DST: variants seen among roughly 807,000 people sequenced by gnomAD.
DST encodes dystonin.
A neutral mutation model predicts 875.2 loss-of-function variants in DST; 253 were observed. The observed-to-expected ratio is 0.29, with a 90% CI of 0.26 to 0.32. DST has a LOEUF of 0.32. DST is among the 10% of genes least tolerant of loss of function. The pLI is 1.00. For synonymous variants in DST, 3,124 were observed against 3,197.1 expected (o/e 0.98, Z 0.77); for missense variants, 8,287 against 9,111.6 (o/e 0.91, Z 3.68).
chr6:56,617,207 A>T (rs768276793), intron 36 of DST: 1 of 1,596,588 alleles, frequency 6.3e-7, no homozygotes, highest in Non-Finnish European at 8.5e-7. Context: ...TTGGAATTTA[A>T]ATTCATCATC....
chr6:56,524,922 G>GA (rs34818825), intron 69 of DST, among the ~76,000 whole-genome samples: 112,467 of 150,698 alleles, frequency 0.75, 42,280 homozygotes, highest in African/African-American at 0.84. Flanking sequence ...AATTCTATCA[G>GA]AAAAAAAAAA....
At chr6:56,536,698 C>T in intron 62 of DST, 81 bp downstream of exon 62, 2 of 1,371,446 alleles carry the variant, frequency 1.5e-6, no homozygotes, top group South Asian at 3.9e-5. Flanking sequence ...AGTTTGGCTA[C>T]CACAAATATG....
At chr6:56,812,501 T>C (rs537222879) in intron 4 of DST, among the ~76,000 whole-genome samples, 1 of 152,310 alleles carries the variant, frequency 6.6e-6, no homozygotes, top group South Asian at 2.1e-4. Context: ...AGGTAAATCT[T>C]ATAAGGGATG....
intron 82 of DST, among the ~76,000 whole-genome samples, chr6:56,495,119 C>G (rs1269123107): frequency 6.6e-6 from 1 of 151,176 alleles, no homozygotes; most frequent in African/African-American, 2.4e-5. Flanking sequence ...TTAAAAAAAG[C>G]CCTATATAAA....
chr6:56,552,937 A>G lies in DST; in HGVS notation c.15855T>C (p.Ser5285=). 6.2e-7 allele frequency: 1 copy of G among 1,613,990 alleles called. No homozygotes were observed. Among genetic ancestry groups the G allele is most frequent in the Non-Finnish European group, 8.5e-7 (1 of 1,179,886 alleles). ...CCTTTGCACACTGAAGCTGCCTTTT[A>G]GATTCTTTGGAAACTTCTTGAAATT... ...FKEFQEVSKE[S]KRQLQCAKEQ... The change falls in exon 61 of 104, where the codon TCT becomes TCC. Residue 5285 remains serine, a synonymous_variant. Coordinates refer to ENST00000680361, the MANE Select transcript of DST (RefSeq NM_001374736.1).
chr6:56,733,991 A>G (rs2152928312), intron 5 of DST, among the ~76,000 whole-genome samples: 1 of 152,320 alleles, frequency 6.6e-6, no homozygotes, highest in South Asian at 2.1e-4. Flanking sequence ...AGCCTGAGTC[A>G]GCACTCCAGG....
At chr6:56,557,940 T>G (rs1185481159) in intron 58 of DST, among the ~76,000 whole-genome samples, 2 of 152,144 alleles carry the variant, frequency 1.3e-5, no homozygotes, top group East Asian at 3.8e-4. Flanking sequence ...CAATTATTCT[T>G]TCCCATTCAA....
chr6:56,743,331 C>T (rs3002004), intron 4 of DST, among the ~76,000 whole-genome samples: 35,904 of 152,028 alleles, frequency 0.24, 5,566 homozygotes, highest in African/African-American at 0.44. Context: ...CATTCAATCA[C>T]ACCACAATAC....
intron 60 of DST, 55 bp downstream of exon 60, chr6:56,555,290 C>A: frequency 1.3e-6 from 2 of 1,507,818 alleles, no homozygotes; most frequent in Non-Finnish European, 1.8e-6. Flanking sequence ...TGGAAATAGG[C>A]AATATATGAC....
intron 78 of DST, among the ~76,000 whole-genome samples, chr6:56,503,781 T>C (rs1008668830): frequency 1.3e-5 from 2 of 152,134 alleles, no homozygotes; most frequent in Admixed American, 1.3e-4. Context: ...CAGTTATTAA[T>C]TGACTATAAA....
chr6:56,824,299 G>T (rs867863638), intron 4 of DST, among the ~76,000 whole-genome samples: 2 of 152,222 alleles, frequency 1.3e-5, no homozygotes, highest in Non-Finnish European at 2.9e-5. Flanking sequence ...ACGGAGTCTC[G>T]TTCACTCAGT....
intron 3 of DST, among the ~76,000 whole-genome samples, chr6:56,866,218 G>C (rs188190057): frequency 6.6e-6 from 1 of 151,972 alleles, no homozygotes; most frequent in African/African-American, 2.4e-5. Flanking sequence ...GGCTAGTCTC[G>C]AACACCTGAC....
At position 56,954,391 on chromosome 6, in the gene DST, T is replaced by C; in HGVS notation, c.181+16A>G. 1 of 1,362,364 alleles carries C rather than the reference T, an allele frequency of 7.3e-7. No homozygotes were observed. Among genetic ancestry groups the C allele is most frequent in the Non-Finnish European group, 9.8e-7 (1 of 1,019,386 alleles). The allele number at this position is 1,362,364 out of a possible 1,614,324, so 84.4% of individuals were successfully genotyped here. A position where few individuals can be genotyped will look rare whatever the true frequency, so the allele number is the denominator to read the frequency against. ...GTTCCTGGTAGCCCGCAGAAACCCG[T>C]CGCGGCGTGTCTTACCTCGGCTTCT... On this transcript the variant is annotated intron_variant, in intron 1 of 103. Coordinates refer to ENST00000680361, the MANE Select transcript of DST (RefSeq NM_001374736.1).
chr6:56,482,894 T>C lies in DST; in HGVS notation c.21208-17A>G. 1 of 1,466,298 alleles carries C rather than the reference T, an allele frequency of 6.8e-7. No homozygotes were observed. 90.8% of individuals were successfully genotyped at this position (1,466,298 alleles called of 1,614,324 possible). On this transcript the variant is annotated splice_polypyrimidine_tract_variant and intron_variant, in intron 88 of 103. Transcript: ENST00000680361. ...TTGGAAGGCCTAAGAAGACCATATT[T>C]TGAAAAATTAATTTTAATTACAAAA...
intron 9 of DST, among the ~76,000 whole-genome samples, chr6:56,696,854 C>A (rs2152868664): frequency 6.6e-6 from 1 of 152,262 alleles, no homozygotes; most frequent in South Asian, 2.1e-4. Context: ...CTTTCCTCAG[C>A]AGAATCTTTT....
At chr6:56,572,678 C>T (rs1318993264) in intron 52 of DST, 69 bp downstream of exon 52, 2 of 1,134,672 alleles carry the variant, frequency 1.8e-6, no homozygotes, top group African/African-American at 3.1e-5. Context: ...AATTCTGGCA[C>T]TAAGTATATG....
chr6:56,647,067 T>C (rs1017189855), intron 13 of DST, among the ~76,000 whole-genome samples: 1 of 152,116 alleles, frequency 6.6e-6, no homozygotes, highest in Non-Finnish European at 1.5e-5. Flanking sequence ...TCACTTCTTC[T>C]ATAACTAAGA....
chr6:56,832,713 G>A (rs190332248), intron 4 of DST, among the ~76,000 whole-genome samples: 152 of 151,400 alleles, frequency 1.0e-3, no homozygotes, highest in African/African-American at 3.3e-3. Flanking sequence ...GAATCACTCC[G>A]CTTTTTATCT....
At chr6:56,796,542 G>A (rs537539736) in intron 4 of DST, among the ~76,000 whole-genome samples, 6 of 152,132 alleles carry the variant, frequency 3.9e-5, no homozygotes, top group Non-Finnish European at 8.8e-5. Flanking sequence ...TTGTTATCTA[G>A]TGATATGATT....
Sources: allele counts gnomAD v4.1 joint callset (sites outside exome capture counted in the v4.1 genomes callset), GRCh38; gene constraint gnomAD v4.1.1; transcripts MANE v1.5; gene names NCBI Gene and HGNC (gene_info 2026-07-23, HGNC 2026-07-21).